Variants in GPC6 observed in about 807,000 individuals in gnomAD.
GPC6 encodes the protein glypican-6.
A neutral mutation model predicts 55.2 loss-of-function variants in GPC6; 14 were observed. The ratio of observed to expected loss-of-function variants is 0.25; its 90% CI spans 0.17 to 0.40. GPC6 has a LOEUF of 0.40. GPC6 is among the 10% of genes least tolerant of loss of function. The pLI is 1.00. For missense variants in GPC6, 641 were observed against 708.5 expected, an observed-to-expected ratio of 0.90 and a Z score of 1.08; for synonymous variants, 278 against 259.6, an observed-to-expected ratio of 1.07 and a Z score of -0.68.
intron 1 of GPC6, among the ~76,000 whole-genome samples, chr13:93,518,443 AC>A (rs1169285725): frequency 6.6e-6 from 1 of 151,912 alleles, no homozygotes; most frequent in Non-Finnish European, 1.5e-5. Flanking sequence ...AAACCCTACT[AC>A]CGTCTTTGAC....
intron 1 of GPC6, among the ~76,000 whole-genome samples, chr13:93,341,602 A>G (rs1594106942): frequency 6.6e-6 from 1 of 150,384 alleles, no homozygotes; most frequent in Admixed American, 6.6e-5. Context: ...TATTTGTTTT[A>G]TTCTTGCTGA....
intron 4 of GPC6, among the ~76,000 whole-genome samples, chr13:94,129,791 T>C (rs962023250): frequency 2.6e-5 from 4 of 152,034 alleles, no homozygotes; most frequent in Non-Finnish European, 5.9e-5. Context: ...ACTAATAGAA[T>C]AGCCCACTAT....
chr13:94,294,819 C>T (rs1006003776), intron 5 of GPC6, among the ~76,000 whole-genome samples: 103 of 152,116 alleles, frequency 6.8e-4, no homozygotes, highest in African/African-American at 2.3e-3. Flanking sequence ...TTAGCATGTC[C>T]GTTGTAAGGC....
chr13:93,610,425 A>G (rs1016207242), intron 2 of GPC6, among the ~76,000 whole-genome samples: 1 of 152,206 alleles, frequency 6.6e-6, no homozygotes, highest in Non-Finnish European at 1.5e-5. Context: ...TTCAAGGAAC[A>G]TTCACTGAGC....
At position 93,969,228 on chromosome 13, in the gene GPC6, C is replaced by T. The variant is rs543923185; in HGVS notation, c.712-58501C>T. Among the ~76,000 whole-genome samples, 22 of 152,274 alleles carry T rather than the reference C, an allele frequency of 1.4e-4. No individual in the cohort carries two copies. In the South Asian group the frequency reaches 3.7e-3, roughly 26 times the overall value. ...CAACTGTGGTTTGATACTGATTGTA[C>T]TGGTTGTATCAGCAAAACCCATTCA... On this transcript the variant is annotated intron_variant, in intron 3 of 8. Transcript: ENST00000377047.
intron 2 of GPC6, among the ~76,000 whole-genome samples, chr13:93,564,671 G>A (rs1026325359): frequency 3.3e-5 from 5 of 152,002 alleles, no homozygotes; most frequent in Non-Finnish European, 5.9e-5. Context: ...CCCTTCTTCT[G>A]AAGAACACTT....
chr13:93,859,782 CT>C (rs1888750209), intron 3 of GPC6, among the ~76,000 whole-genome samples: 1 of 151,648 alleles, frequency 6.6e-6, no homozygotes, highest in South Asian at 2.1e-4. Context: ...AGCCTCATGA[CT>C]GACTGACTCA....
Position 94,286,401 on chromosome 13 carries a change from G to T in GPC6, c.930G>T (p.Ser310=). The change falls in exon 5 of 9, where the codon TCG becomes TCT. Residue 310 remains serine, a synonymous_variant. Coordinates refer to ENST00000377047, the MANE Select transcript of GPC6 (RefSeq NM_005708.5). ...TGGAGGGGCCATTCAACATTGAGTC[G>T]GTCATGGACCCGATAGATGTCAAGA... The part of the protein sequence containing the change: ...ERLEGPFNIE[S]VMDPIDVKIS... 1 of 1,613,440 alleles carries T rather than the reference G, an allele frequency of 6.2e-7. No individual in the cohort carries two copies. Among genetic ancestry groups the T allele is most frequent in the African/African-American group, 1.3e-5 (1 of 74,994 alleles).
intron 3 of GPC6, among the ~76,000 whole-genome samples, chr13:93,845,345 G>A (rs1345403649): frequency 6.7e-6 from 1 of 149,286 alleles, no homozygotes; most frequent in African/African-American, 2.5e-5. Flanking sequence ...AGGTGCTGGA[G>A]AGGATGTGGA....
intron 1 of GPC6, among the ~76,000 whole-genome samples, chr13:93,292,654 A>G (rs1314730411): frequency 1.3e-5 from 2 of 152,188 alleles, no homozygotes; most frequent in Non-Finnish European, 2.9e-5. Flanking sequence ...TAATACAAGT[A>G]AATCTGCTTT....
intron 4 of GPC6, among the ~76,000 whole-genome samples, chr13:94,032,642 A>G (rs780603496): frequency 5.9e-5 from 9 of 152,294 alleles, no homozygotes; most frequent in Middle Eastern, 3.4e-3. Context: ...GTTATTTTTC[A>G]TCAGCAAAAA....
At chr13:93,858,686 C>A (rs1467166151) in intron 3 of GPC6, among the ~76,000 whole-genome samples, 2 of 151,412 alleles carry the variant, frequency 1.3e-5, no homozygotes, top group East Asian at 3.9e-4. Context: ...TAACAGTTTG[C>A]AAAAGAGTAT....
chr13:93,613,102 A>G (rs1342293905), intron 2 of GPC6, among the ~76,000 whole-genome samples: 1 of 152,198 alleles, frequency 6.6e-6, no homozygotes, highest in East Asian at 1.9e-4. Flanking sequence ...AGGAGCTGCC[A>G]GTGATATGTA....
intron 2 of GPC6, among the ~76,000 whole-genome samples, chr13:93,583,590 T>C (rs2139493176): frequency 2.0e-5 from 3 of 152,252 alleles, no homozygotes; most frequent in Middle Eastern, 3.4e-3. Context: ...CTGATTTTTA[T>C]ATTTTTAGTA....
At chr13:93,460,785 T>C (rs1878651254) in intron 1 of GPC6, among the ~76,000 whole-genome samples, 1 of 152,148 alleles carries the variant, frequency 6.6e-6, no homozygotes, top group South Asian at 2.1e-4. Flanking sequence ...TACCCCCCCA[T>C]TGTGATATGT....
chr13:93,216,837 T>TC, the GPC6 span, among the ~76,000 whole-genome samples: 1 of 152,320 alleles, frequency 6.6e-6, no homozygotes, highest in East Asian at 1.9e-4. Context: ...AGAAGAGAGA[T>TC]CTGAAATAGA....
At chr13:94,390,590 G>A (rs960066830) in intron 7 of GPC6, among the ~76,000 whole-genome samples, 1 of 152,036 alleles carries the variant, frequency 6.6e-6, no homozygotes, top group South Asian at 2.1e-4. Flanking sequence ...ACCAGCTCTC[G>A]AGAGAAATCT....
chr13:93,987,003 G>C (rs192535122), intron 3 of GPC6, among the ~76,000 whole-genome samples: 182 of 151,940 alleles, frequency 1.2e-3, no homozygotes, highest in African/African-American at 4.2e-3. Context: ...GGAGAAACTG[G>C]GTATCATTGT....
intron 1 of GPC6, among the ~76,000 whole-genome samples, chr13:93,262,290 G>C (rs951922481): frequency 6.4e-5 from 9 of 140,352 alleles, no homozygotes; most frequent in South Asian, 2.2e-4. Context: ...AAGAAGGAAG[G>C]GTTCCCGAAA....
Sources: gnomAD v4.1 joint callset for allele counts (sites outside exome capture counted in the v4.1 genomes callset) on GRCh38, gnomAD v4.1.1 for gene constraint, MANE v1.5 for transcripts, NCBI Gene and HGNC (gene_info 2026-07-23, HGNC 2026-07-21) for gene names.